The following NT5M variants were observed in gnomAD, a reference collection of about 807,000 sequenced individuals.
The protein encoded by NT5M is 5'(3')-deoxyribonucleotidase, mitochondrial.
Under a neutral mutation model 22.2 loss-of-function variants are expected in NT5M, and 22 were observed. The ratio of observed to expected loss-of-function variants is 0.99; its 90% CI spans 0.71 to 1.41. NT5M has a LOEUF of 1.41. Ranked by LOEUF, NT5M falls within the 40% of genes most tolerant of loss-of-function variation. The pLI, the probability that NT5M is intolerant of heterozygous loss-of-function variation, is 0.00. For missense variants in NT5M, 322 were observed against 314.8 expected, an observed-to-expected ratio of 1.02 and a Z score of -0.17; for synonymous variants, 167 against 133.0, an observed-to-expected ratio of 1.26 and a Z score of -1.76.
intron 2 of NT5M, among the ~76,000 whole-genome samples, chr17:17,312,122 G>T (rs1444616139): frequency 6.6e-6 from 1 of 152,254 alleles, no homozygotes; most frequent in African/African-American, 2.4e-5. Context: ...AAAGTCCTCA[G>T]TATATGTGCC....
intron 3 of NT5M, among the ~76,000 whole-genome samples, chr17:17,337,740 A>G (rs1454062513): frequency 6.6e-6 from 1 of 152,188 alleles, no homozygotes; most frequent in Non-Finnish European, 1.5e-5. Flanking sequence ...TGCCCATTTT[A>G]AAATCAGATT....
intron 2 of NT5M, among the ~76,000 whole-genome samples, chr17:17,308,310 C>G (rs954568977): frequency 6.6e-5 from 10 of 151,984 alleles, no homozygotes; most frequent in Non-Finnish European, 1.5e-4. Flanking sequence ...TAATGACATA[C>G]CAGCTGGGCG....
intron 1 of NT5M, among the ~76,000 whole-genome samples, chr17:17,305,400 C>CCCT (rs1555625224): frequency 7.9e-6 from 1 of 125,892 alleles, no homozygotes; most frequent in Non-Finnish European, 1.7e-5. Flanking sequence ...AACCGCCCCC[C>CCCT]CCCCCCCGCC....
intron 1 of NT5M, among the ~76,000 whole-genome samples, chr17:17,305,849 GTTC>G (rs1162280180): frequency 5.3e-5 from 8 of 152,078 alleles, no homozygotes; most frequent in Admixed American, 1.3e-4. Flanking sequence ...GGTGTTGGGG[GTTC>G]TTCTCCCAGC....
At chr17:17,307,292 C>G (rs988458608) in intron 2 of NT5M, among the ~76,000 whole-genome samples, 16 of 152,160 alleles carry the variant, frequency 1.1e-4, no homozygotes, top group Admixed American at 2.6e-4. Flanking sequence ...AGTCCTTGCC[C>G]TCATGGAGCT....
In NT5M at chr17:17,347,164, C is replaced by T. The variant is rs2049778612; in HGVS notation, c.*217C>T. 2 of 609,972 alleles carry T rather than the reference C, an allele frequency of 3.3e-6. No homozygotes were observed. Among genetic ancestry groups the T allele is most frequent in the South Asian group, 4.3e-5 (2 of 46,880 alleles). 37.8% of individuals were successfully genotyped at this position (609,972 alleles called of 1,614,324 possible). A position where few individuals can be genotyped will look rare whatever the true frequency, so the allele number is the denominator to read the frequency against. ...GGGCGCTTGGACATAGACACGTGGT[C>T]CCAGGCCGTTCAGCCTGACCTCAGG... On this transcript the variant is annotated 3_prime_UTR_variant, in exon 5 of 5. Coordinates refer to ENST00000389022, the MANE Select transcript of NT5M (RefSeq NM_020201.4).
rs567103281 is a variant in NT5M at position 17,334,370 on chromosome 17, T to C, written c.430-10424T>C. On this transcript the variant is annotated intron_variant, in intron 3 of 4. Transcript: ENST00000389022. ...TGCCTCTGTTGGAAAGGCCACCCTT[T>C]CTCACTGAAGTGTCATGGTAGCCTG... Among the ~76,000 whole-genome samples the C allele has an allele frequency of 2.0e-5, 3 of 151,998 alleles. 1 individual carries two copies. In the South Asian group the frequency reaches 6.2e-4, roughly 32 times the overall value.
intron 2 of NT5M, among the ~76,000 whole-genome samples, chr17:17,307,928 T>A (rs923086800): frequency 2.0e-5 from 3 of 151,870 alleles, no homozygotes; most frequent in Non-Finnish European, 4.4e-5. Context: ...TGGGCGCCTG[T>A]AATCCCAGCT....
chr17:17,317,625 A>G (rs2049058605), intron 2 of NT5M, among the ~76,000 whole-genome samples: 1 of 152,194 alleles, frequency 6.6e-6, no homozygotes. Flanking sequence ...GGGTGTGAAT[A>G]TAAAACAGTG....
At chr17:17,345,087 C>T (rs2049730258) in intron 4 of NT5M, 179 bp downstream of exon 4, 2 of 644,894 alleles carry the variant, frequency 3.1e-6, no homozygotes, top group Non-Finnish European at 3.9e-6. Context: ...TGGCCTGGTG[C>T]TCCTGGGAGC....
chr17:17,346,476 C>A (rs1284142861), intron 4 of NT5M, among the ~76,000 whole-genome samples: 2 of 151,950 alleles, frequency 1.3e-5, no homozygotes, highest in Admixed American at 6.6e-5. Flanking sequence ...ATCAGGATGG[C>A]AGGGCACGGA....
chr17:17,331,274 G>C (rs1471966372), intron 3 of NT5M, among the ~76,000 whole-genome samples: 1 of 150,190 alleles, frequency 6.7e-6, no homozygotes, highest in Non-Finnish European at 1.5e-5. Context: ...TTCTTGGCGT[G>C]TTTCTGGCCC....
At chr17:17,320,811 C>T (rs1597769298) in intron 2 of NT5M, among the ~76,000 whole-genome samples, 1 of 152,114 alleles carries the variant, frequency 6.6e-6, no homozygotes, top group Non-Finnish European at 1.5e-5. Context: ...GCCAGGAGCG[C>T]AGGCTAGGAC....
At chr17:17,312,079 C>G (rs1198344115) in intron 2 of NT5M, among the ~76,000 whole-genome samples, 1 of 152,240 alleles carries the variant, frequency 6.6e-6, no homozygotes, top group Non-Finnish European at 1.5e-5. Context: ...AGTTATTAAA[C>G]TTTCTGGGTT....
chr17:17,312,807 A>C (rs1479554172), intron 2 of NT5M, among the ~76,000 whole-genome samples: 1 of 151,732 alleles, frequency 6.6e-6, no homozygotes, highest in Non-Finnish European at 1.5e-5. Context: ...AAAAAAAAAT[A>C]ATAATAGTAA....
chr17:17,312,644 CA>C lies in NT5M; in HGVS notation c.368+6019del, dbSNP rs35712658. Among the ~76,000 whole-genome samples the C allele has an allele frequency of 8.9e-3, 960 of 107,308 alleles. 11 individuals are homozygous for C. Among genetic ancestry groups the C allele is most frequent in the African/African-American group, 0.031 (845 of 27,040 alleles). 70.4% of individuals were successfully genotyped at this position (107,308 alleles called of 152,430 possible). Reference sequence around the variant, plus strand: ...GGGCAACAAGAGTGAAACTCCATCTCAAAAAAAAAAAAAAAAAATGTATTCT... The same window carrying C: ...GGGCAACAAGAGTGAAACTCCATCTCAAAAAAAAAAAAAAAAATGTATTCT... On this transcript the variant is annotated intron_variant, in intron 2 of 4. Coordinates refer to ENST00000389022, the MANE Select transcript of NT5M (RefSeq NM_020201.4).
chr17:17,340,693 A>G (rs902049485), intron 3 of NT5M, among the ~76,000 whole-genome samples: 1 of 151,322 alleles, frequency 6.6e-6, no homozygotes, highest in Non-Finnish European at 1.5e-5. Flanking sequence ...TGCCCAGCTT[A>G]TTTTTGTTTT....
At chr17:17,326,434 G>C (rs1439700954) in intron 3 of NT5M, among the ~76,000 whole-genome samples, 2 of 152,210 alleles carry the variant, frequency 1.3e-5, no homozygotes, top group Admixed American at 6.5e-5. Context: ...CAGGACCCCA[G>C]TCACAGTAAC....
At position 17,326,309 on chromosome 17, in the gene NT5M, G is replaced by C. The variant is rs1386114805; in HGVS notation, c.429+3064G>C. 2.6e-5 allele frequency among the ~76,000 whole-genome samples: 4 copies of C among 152,190 alleles called. No homozygotes were observed. The East Asian group carries it at 7.7e-4, about 29-fold the overall frequency. On this transcript the variant is annotated intron_variant, in intron 3 of 4. Coordinates refer to ENST00000389022, the MANE Select transcript of NT5M (RefSeq NM_020201.4). ...GACGCTTGGCCAGCCAGTGAGGCCT[G>C]CTCCGGGTCTGCCTGTCAAGAGCCT...
Sources: gnomAD v4.1 joint callset for allele counts (sites outside exome capture counted in the v4.1 genomes callset) on GRCh38, gnomAD v4.1.1 for gene constraint, MANE v1.5 for transcripts, NCBI Gene and HGNC (gene_info 2026-07-23, HGNC 2026-07-21) for gene names.